Variants in PDE9A observed in about 807,000 individuals in gnomAD.
The protein encoded by PDE9A is phosphodiesterase 9A.
In PDE9A, 60 loss-of-function variants were observed where a neutral mutation model predicts 87.4. The ratio of observed to expected loss-of-function variants is 0.69; its 90% CI spans 0.56 to 0.85. The LOEUF (loss-of-function observed/expected upper bound fraction) is 0.85, where lower values mean the gene tolerates loss of function less well. Ranked by LOEUF, PDE9A falls within the 40% of genes least tolerant of loss-of-function variation. PDE9A has a pLI of 0.00. For synonymous variants in PDE9A, 272 were observed against 279.4 expected, an observed-to-expected ratio of 0.97 and a Z score of 0.27; for missense variants, 665 against 779.0, an observed-to-expected ratio of 0.85 and a Z score of 1.74.
chr21:42,680,267 A>C (rs1375732997), intron 1 of PDE9A, among the ~76,000 whole-genome samples: 3 of 152,154 alleles, frequency 2.0e-5, no homozygotes, highest in African/African-American at 7.2e-5. Flanking sequence ...AAGTTCCCCC[A>C]AAAGAGTGTG....
intron 1 of PDE9A, among the ~76,000 whole-genome samples, chr21:42,685,211 C>T (rs1463490191): frequency 6.6e-6 from 1 of 152,234 alleles, no homozygotes; most frequent in Admixed American, 6.5e-5. Context: ...CTCGAAATAC[C>T]CCCTCCCTGA....
chr21:42,700,877 TAG>T (rs2048332634), intron 4 of PDE9A: 1 of 152,204 alleles, frequency 6.6e-6, no homozygotes, highest in Non-Finnish European at 1.5e-5. Context: ...CGTAGATAAA[TAG>T]TAGGTCTTGA....
intron 7 of PDE9A, among the ~76,000 whole-genome samples, chr21:42,737,526 C>G (rs917027690): frequency 6.6e-6 from 1 of 152,226 alleles, no homozygotes; most frequent in Non-Finnish European, 1.5e-5. Context: ...GTGGCGTGAT[C>G]TTGGCTCACT....
At chr21:42,768,365 C>A in intron 16 of PDE9A, 73 bp downstream of exon 16, 1 of 1,139,748 alleles carries the variant, frequency 8.8e-7, no homozygotes, top group Non-Finnish European at 1.3e-6. Flanking sequence ...TTGCGTTAAA[C>A]GAGCACGCCT....
chr21:42,684,655 G>A (rs966707066), intron 1 of PDE9A, among the ~76,000 whole-genome samples: 2 of 152,230 alleles, frequency 1.3e-5, no homozygotes, highest in African/African-American at 4.8e-5. Context: ...GAGGATGTGG[G>A]GGAAATGGGG....
chr21:42,677,083 C>T (rs1052098482), intron 1 of PDE9A, among the ~76,000 whole-genome samples: 20 of 152,190 alleles, frequency 1.3e-4, no homozygotes, highest in African/African-American at 4.1e-4. Context: ...CTGCCCTTCT[C>T]TCCTGCAGGA....
chr21:42,656,319 G>T (rs1029458888), intron 1 of PDE9A, among the ~76,000 whole-genome samples: 3 of 152,198 alleles, frequency 2.0e-5, no homozygotes, highest in Non-Finnish European at 4.4e-5. Flanking sequence ...CCGCCCCTTC[G>T]TTATCTCTGC....
At chr21:42,691,612 C>A (rs1199191560) in intron 3 of PDE9A, among the ~76,000 whole-genome samples, 2 of 151,568 alleles carry the variant, frequency 1.3e-5, no homozygotes, top group Non-Finnish European at 2.9e-5. Context: ...TCCAAAGTTA[C>A]CAGCCCCATC....
At chr21:42,728,934 A>G (rs2051427372) in intron 4 of PDE9A, among the ~76,000 whole-genome samples, 1 of 148,016 alleles carries the variant, frequency 6.8e-6, no homozygotes, top group Non-Finnish European at 1.5e-5. Flanking sequence ...CAGGAGGCGG[A>G]GGCTGCAGAG....
At chr21:42,676,368 C>T (rs13049757) in intron 1 of PDE9A, among the ~76,000 whole-genome samples, 3,498 of 152,340 alleles carry the variant, frequency 0.023, 67 homozygotes, top group South Asian at 0.046. Context: ...TCCATCGCCG[C>T]AAGGCTGCCT....
chr21:42,662,666 C>T (rs1389379233), intron 1 of PDE9A, among the ~76,000 whole-genome samples: 1 of 144,954 alleles, frequency 6.9e-6, no homozygotes, highest in East Asian at 2.1e-4. Flanking sequence ...CACACACACA[C>T]CACGCACACG....
intron 4 of PDE9A, among the ~76,000 whole-genome samples, chr21:42,699,605 G>C (rs1275683684): frequency 6.6e-6 from 1 of 151,274 alleles, no homozygotes; most frequent in Non-Finnish European, 1.5e-5. Flanking sequence ...CCCAGGGCTG[G>C]AATGCAGTGG....
Position 42,716,772 on chromosome 21 carries a change from A to G in PDE9A, c.263-14998A>G, listed in dbSNP as rs186586342. On this transcript the variant is annotated intron_variant, in intron 4 of 19. Transcript: ENST00000291539. ...CTTTTTTTTTTTTTTTTTTTTTGAG[A>G]CGGAGTCTCACTCTCTTGCCCAGGC... Among the ~76,000 whole-genome samples the G allele has an allele frequency of 4.4e-3, 103 of 23,268 alleles. 2 individuals carry two copies. The East Asian group carries it at 0.29, about 65-fold the overall frequency. The allele number at this position is 23,268 out of a possible 152,430, so 15.3% of individuals were successfully genotyped here. A position where few individuals can be genotyped will look rare whatever the true frequency, so the allele number is the denominator to read the frequency against.
At position 42,759,285 on chromosome 21, in the gene PDE9A, G is replaced by A. The variant is rs140918847; in HGVS notation, c.897+200G>A. ...TTCCACCAAAACCTTCTTTACGCCC[G>A]AGCTACTCCTGCTCTGATAAGCAAG... On this transcript the variant is annotated intron_variant, in intron 11 of 19. Transcript: ENST00000291539. This position sits in a 1 kb window ranked among gnomAD's most constrained non-coding sequence, Gnocchi z 7.2. 6.7e-4 allele frequency among the ~76,000 whole-genome samples: 102 copies of A among 152,222 alleles called. No homozygotes were observed. Among genetic ancestry groups the A allele is most frequent in the African/African-American group, 2.4e-3 (98 of 41,532 alleles).
intron 4 of PDE9A, among the ~76,000 whole-genome samples, chr21:42,710,892 GCA>G (rs2049271062): frequency 1.3e-5 from 2 of 152,186 alleles, no homozygotes; most frequent in Admixed American, 6.5e-5. Context: ...AGAGGCTGAG[GCA>G]GGAGAATCGC....
intron 1 of PDE9A, among the ~76,000 whole-genome samples, chr21:42,655,357 G>C (rs954209841): frequency 6.6e-6 from 1 of 152,204 alleles, no homozygotes. Flanking sequence ...AAGATGTCCC[G>C]GGAGCAGCTC....
chr21:42,660,618 T>C lies in PDE9A; in HGVS notation c.69+6735T>C, dbSNP rs2057410047. The stretch of plus-strand genomic sequence containing the variant: ...AACACCACCCCTTCCCCAAACACTA[T>C]TGGAATTAAAAAAAAAAAAAAAGAT... On this transcript the variant is annotated intron_variant, in intron 1 of 19. Coordinates refer to ENST00000291539, the MANE Select transcript of PDE9A (RefSeq NM_002606.3). The surrounding 1 kb of genome is among the most constrained non-coding windows in gnomAD (Gnocchi z 4.7). Among the ~76,000 whole-genome samples, 5 of 140,692 alleles carry C rather than the reference T, an allele frequency of 3.6e-5. No individual in the cohort carries two copies. Among genetic ancestry groups the C allele is most frequent in the Admixed American group, 2.7e-4 (4 of 14,622 alleles). The allele number at this position is 140,692 out of a possible 152,430, so 92.3% of individuals were successfully genotyped here.
chr21:42,725,479 T>G lies in PDE9A; in HGVS notation c.263-6291T>G, dbSNP rs575582313. Among the ~76,000 whole-genome samples the G allele has an allele frequency of 2.0e-5, 3 of 152,268 alleles. No individual in the cohort carries two copies. In the South Asian group the frequency reaches 6.2e-4, roughly 32 times the overall value. ...GTCTCGAACTCCTGACCTCTGGTGATCCACCCACCTCAGCCTCCCATAGTG... is the reference window on the plus strand; with the variant it reads ...GTCTCGAACTCCTGACCTCTGGTGAGCCACCCACCTCAGCCTCCCATAGTG... On this transcript the variant is annotated intron_variant, in intron 4 of 19. Coordinates refer to ENST00000291539, the MANE Select transcript of PDE9A (RefSeq NM_002606.3).
rs370673669 is a variant in PDE9A, at chr21:42,762,219, G to A, written c.1222G>A (p.Gly408Arg). Residue 408 changes from glycine (G) to arginine (R), a missense_variant, in exon 14 of 20, where the codon GGG becomes AGG. Gly to Arg is a moderately radical substitution (Grantham distance 125, BLOSUM62 -2). Coordinates refer to ENST00000291539, the MANE Select transcript of PDE9A (RefSeq NM_002606.3). ...CATCTTCTCCAACATCCCACCTGAT[G>A]GGTTCAAGCAGATCCGACAGGTGTG... ...CNIFSNIPPD[G>R]FKQIRQGMIT... The A allele has an allele frequency of 1.9e-6, 3 of 1,613,984 alleles. No homozygotes were observed. The highest frequency in any genetic ancestry group is 2.7e-5 in the African/African-American group (2 of 74,928).
Sources: allele counts gnomAD v4.1 joint callset (sites outside exome capture counted in the v4.1 genomes callset), GRCh38; gene constraint gnomAD v4.1.1; non-coding constraint Gnocchi (gnomAD v3.1); transcripts MANE v1.5; gene names NCBI Gene and HGNC (gene_info 2026-07-23, HGNC 2026-07-21).